The following LARGE1 variants were observed in gnomAD, a reference collection of about 807,000 sequenced individuals.
LARGE1 encodes LARGE xylosyl- and glucuronyltransferase 1, also known as xylosyl- and glucuronyltransferase LARGE1.
In LARGE1, 43 loss-of-function variants were observed where a neutral mutation model predicts 87.6. The observed-to-expected ratio is 0.49, with a 90% CI of 0.38 to 0.63. The LOEUF (loss-of-function observed/expected upper bound fraction) is 0.63. Among genes scored for constraint, LARGE1 ranks in the 30% least tolerant of loss-of-function variants. The pLI is 0.00. For missense variants in LARGE1, 802 were observed against 1,000.2 expected, an observed-to-expected ratio of 0.80 and a Z score of 2.67; for synonymous variants, 434 against 394.6, an observed-to-expected ratio of 1.10 and a Z score of -1.18.
intron 6 of LARGE1, among the ~76,000 whole-genome samples, chr22:33,476,205 T>C (rs1442399942): frequency 1.3e-5 from 2 of 152,230 alleles, no homozygotes; most frequent in African/African-American, 4.8e-5. Context: ...CAGTCCTCCC[T>C]CTGCTCACCT....
intron 1 of LARGE1, among the ~76,000 whole-genome samples, chr22:33,855,371 A>G (rs768505526): frequency 2.0e-5 from 3 of 152,154 alleles, no homozygotes; most frequent in Admixed American, 1.3e-4. Context: ...TGGGCCTTGA[A>G]GAACGGGTGG....
chr22:33,597,677 G>A (rs2079015117), intron 5 of LARGE1, among the ~76,000 whole-genome samples: 1 of 152,084 alleles, frequency 6.6e-6, no homozygotes, highest in Non-Finnish European at 1.5e-5. Flanking sequence ...TAAGAGAAAA[G>A]GAGAAAAATT....
At chr22:33,195,591 A>G (rs1924021580) in intron 11 of LARGE1, among the ~76,000 whole-genome samples, 1 of 152,048 alleles carries the variant, frequency 6.6e-6, no homozygotes, top group South Asian at 2.1e-4. Context: ...GGGTCAAAGA[A>G]GAAATCAAAA....
rs369222868 is a variant in LARGE1 at position 33,336,281 on chromosome 22, ACCT to A, written c.1287+1362_1287+1364del. On this transcript the variant is annotated intron_variant, in intron 10 of 14. Coordinates refer to ENST00000397394, the MANE Select transcript of LARGE1 (RefSeq NM_133642.5). ...AGTGGCATGATCTCGGCTCACTGTA[ACCT>A]CCGCCTCCCGGGTTCAAGCAATTCT... Among the ~76,000 whole-genome samples the A allele has an allele frequency of 2.5e-3, 378 of 151,886 alleles. 4 individuals are homozygous for A. The highest frequency in any genetic ancestry group is 8.1e-3 in the African/African-American group (335 of 41,410).
At chr22:33,912,043 C>T (rs184187714) in intron 1 of LARGE1, among the ~76,000 whole-genome samples, 35 of 152,334 alleles carry the variant, frequency 2.3e-4, no homozygotes, top group Non-Finnish European at 5.9e-5. Context: ...ACCAGCACCA[C>T]TCCTGAAGAA....
At chr22:33,377,391 T>TCTCC (rs1359842539) in intron 9 of LARGE1, among the ~76,000 whole-genome samples, 10 of 152,216 alleles carry the variant, frequency 6.6e-5, no homozygotes, top group Non-Finnish European at 8.8e-5. Context: ...CAAACAATTA[T>TCTCC]AAAATCCTCT....
At chr22:33,190,056 T>G (rs1021802088) in intron 11 of LARGE1, among the ~76,000 whole-genome samples, 1 of 152,214 alleles carries the variant, frequency 6.6e-6, no homozygotes, top group South Asian at 2.1e-4. Flanking sequence ...TATTTAAAAC[T>G]GACTTGAATT....
intron 1 of LARGE1, among the ~76,000 whole-genome samples, chr22:33,902,365 A>G (rs1222790714): frequency 2.0e-5 from 3 of 152,202 alleles, no homozygotes; most frequent in African/African-American, 4.8e-5. Context: ...CCATTCCCCA[A>G]AAAGTCATAA....
intron 7 of LARGE1, among the ~76,000 whole-genome samples, chr22:33,415,218 T>C: frequency 6.6e-6 from 1 of 152,156 alleles, no homozygotes; most frequent in East Asian, 1.9e-4. Context: ...GGAGGCGTTG[T>C]TTTGTTTTTG....
the LARGE1 span, among the ~76,000 whole-genome samples, chr22:33,148,151 T>C: frequency 3.3e-5 from 5 of 152,168 alleles, no homozygotes; most frequent in African/African-American, 1.2e-4. Context: ...GGAATGACCC[T>C]CTACAGATGT....
At chr22:33,159,472 A>G (rs555911911), downstream of LARGE1, among the ~76,000 whole-genome samples, 1 of 152,286 alleles carries the variant, frequency 6.6e-6, no homozygotes, top group South Asian at 2.1e-4. Flanking sequence ...AAAACATTTT[A>G]CCAGATAAAA....
intron 6 of LARGE1, among the ~76,000 whole-genome samples, chr22:33,459,323 A>C (rs2068271052): frequency 6.6e-6 from 1 of 152,160 alleles, no homozygotes; most frequent in South Asian, 2.1e-4. Context: ...CCAAATGCAC[A>C]GGCCTCAGGC....
intron 6 of LARGE1, among the ~76,000 whole-genome samples, chr22:33,523,974 A>G (rs766326598): frequency 6.6e-6 from 1 of 151,698 alleles, no homozygotes; most frequent in Non-Finnish European, 1.5e-5. Context: ...CATCACTAAA[A>G]TCTCCTTAAA....
intron 2 of LARGE1, among the ~76,000 whole-genome samples, chr22:33,751,949 A>C (rs527916412): frequency 2.0e-5 from 3 of 151,888 alleles, no homozygotes; most frequent in Non-Finnish European, 4.4e-5. Flanking sequence ...AAGCCCAGCT[A>C]TTTTGTATTT....
chr22:33,292,752 G>A (rs1165182613), intron 12 of LARGE1, among the ~76,000 whole-genome samples: 1 of 152,164 alleles, frequency 6.6e-6, no homozygotes, highest in Non-Finnish European at 1.5e-5. Context: ...AGTTTGAAGG[G>A]AGGCTGAACA....
chr22:33,200,083 G>A (rs1924301741), intron 11 of LARGE1, among the ~76,000 whole-genome samples: 1 of 151,934 alleles, frequency 6.6e-6, no homozygotes, highest in Non-Finnish European at 1.5e-5. Flanking sequence ...TCCTGACTTC[G>A]TGATCCACCC....
chr22:33,488,740 A>C (rs180927774), intron 6 of LARGE1, among the ~76,000 whole-genome samples: 1 of 152,306 alleles, frequency 6.6e-6, no homozygotes, highest in East Asian at 1.9e-4. Context: ...AGAGTTTCCC[A>C]AAAATAAATC....
chr22:33,335,633 A>G (rs573914282), intron 10 of LARGE1, among the ~76,000 whole-genome samples: 1 of 152,164 alleles, frequency 6.6e-6, no homozygotes, highest in Non-Finnish European at 1.5e-5. Context: ...ACCTCCTACC[A>G]ATCTGGCTCC....
chr22:33,683,896 G>C (rs1186877603), intron 2 of LARGE1, among the ~76,000 whole-genome samples: 1 of 152,120 alleles, frequency 6.6e-6, no homozygotes, highest in Non-Finnish European at 1.5e-5. Flanking sequence ...AATGGAGCTG[G>C]GGGTTTACTG....
Sources: gnomAD v4.1 joint callset for allele counts (sites outside exome capture counted in the v4.1 genomes callset) on GRCh38, gnomAD v4.1.1 for gene constraint, MANE v1.5 for transcripts, NCBI Gene and HGNC (gene_info 2026-07-23, HGNC 2026-07-21) for gene names.